The following NLRC5 variants were observed in gnomAD, a reference collection of about 807,000 sequenced individuals.
NLRC5 encodes NLR family CARD domain containing 5, also known as protein NLRC5.
Under a neutral mutation model 206.9 loss-of-function variants are expected in NLRC5, and 114 were observed. The ratio of observed to expected loss-of-function variants is 0.55; its 90% CI spans 0.47 to 0.64. NLRC5 has a LOEUF of 0.64. Among genes scored for constraint, NLRC5 ranks in the 30% least tolerant of loss-of-function variants. NLRC5 has a pLI of 0.00. For missense variants in NLRC5, 2,008 were observed against 2,305.5 expected, an observed-to-expected ratio of 0.87 and a Z score of 2.64; for synonymous variants, 952 against 962.8, an observed-to-expected ratio of 0.99 and a Z score of 0.21.
chr16:57,028,338 C>A lies in NLRC5; in HGVS notation c.2196C>A (p.Ser732Arg), dbSNP rs1246970822. Residue 732 changes from serine to arginine, a missense_variant, in exon 8 of 49, where the codon AGC (serine) becomes AGA (arginine). Physicochemically the swap from Ser to Arg is moderately radical, Grantham distance 110. Coordinates refer to ENST00000688547, the MANE Select transcript of NLRC5 (RefSeq NM_001384950.1). ...AGSKITARGI[S>R]HLVKALPLCP... ...GTAAAATCACTGCCCGAGGCATCAG[C>A]CACCTGGTGAAAGCTTTGCCTCTCT... 6.2e-7 allele frequency: 1 copy of A among 1,614,064 alleles called. No homozygotes were observed. Among genetic ancestry groups the A allele is most frequent in the Non-Finnish European group, 8.5e-7 (1 of 1,180,018 alleles).
chr16:57,003,548 G>T (rs573560625), intron 1 of NLRC5, among the ~76,000 whole-genome samples: 21 of 152,128 alleles, frequency 1.4e-4, no homozygotes, highest in African/African-American at 4.8e-4. Context: ...GCCTTTGCCT[G>T]GTGGGCATTG....
intron 1 of NLRC5, among the ~76,000 whole-genome samples, chr16:57,000,195 G>A (rs2058087553): frequency 6.6e-6 from 1 of 152,112 alleles, no homozygotes; most frequent in African/African-American, 2.4e-5. Context: ...GACCCAAACT[G>A]CCAGGGCTGA....
chr16:57,048,686 A>G, intron 23 of NLRC5, among the ~76,000 whole-genome samples: 1 of 152,108 alleles, frequency 6.6e-6, no homozygotes, highest in East Asian at 1.9e-4. Context: ...GGCGCCCGCC[A>G]TCATGCCTGG....
chr16:57,078,992 G>A (rs2068785181), intron 43 of NLRC5, 58 bp from the exon 44 acceptor site: 2 of 1,489,008 alleles, frequency 1.3e-6, no homozygotes, highest in Non-Finnish European at 1.9e-6. Flanking sequence ...AAGGCTGAGG[G>A]TGGGGCTCTG....
intron 7 of NLRC5, 60 bp from the exon 8 acceptor site, chr16:57,028,242 T>C: frequency 6.3e-7 from 1 of 1,582,698 alleles, no homozygotes; most frequent in Admixed American, 1.7e-5. Context: ...ACAAGGCAGA[T>C]TCCTGGCCCC....
At chr16:57,032,567 A>G (rs571945075) in intron 11 of NLRC5, among the ~76,000 whole-genome samples, 1 of 152,172 alleles carries the variant, frequency 6.6e-6, no homozygotes, top group Admixed American at 6.5e-5. Flanking sequence ...ATTTAAATAA[A>G]TTAAAATTAA....
chr16:57,079,501 A>C, intron 45 of NLRC5, 45 bp from the exon 46 acceptor site: 1 of 1,551,880 alleles, frequency 6.4e-7, no homozygotes, highest in Non-Finnish European at 8.9e-7. Context: ...AGATCCCCTG[A>C]CTCAAACAAC....
chr16:57,082,510 G>A lies in NLRC5; in HGVS notation c.5583G>A (p.Gln1861=). ...TTGCCTTCTTTGACAACCAGCCCCA[G>A]GCCCCTTGGGGTACTTGATGGCCCC... ...LDFAFFDNQP[Q]APWGT is the part of the protein sequence containing the mutation. Residue 1861 remains glutamine, a synonymous_variant, in exon 49 of 49, where the codon CAG becomes CAA. Transcript: ENST00000688547. The A allele has an allele frequency of 6.2e-7, 1 of 1,613,164 alleles. No homozygotes were observed.
rs199476004 is a variant in NLRC5 at position 57,061,574 on chromosome 16, G to A, written c.4070+43G>A. 4.1e-5 allele frequency: 66 copies of A among 1,608,500 alleles called. No homozygotes were observed. In the African/African-American group the frequency reaches 4.5e-4, roughly 11 times the overall value. ...CCCGTGAGGACAGCAGAGGGGTGGG[G>A]GCACCCTGCCAGAGCCACCTCAGTG... On this transcript the variant is annotated intron_variant, in intron 31 of 48. Coordinates refer to ENST00000688547, the MANE Select transcript of NLRC5 (RefSeq NM_001384950.1).
chr16:57,006,146 G>A (rs1037690938), intron 1 of NLRC5, among the ~76,000 whole-genome samples: 3 of 151,228 alleles, frequency 2.0e-5, no homozygotes, highest in African/African-American at 4.9e-5. Flanking sequence ...CAACATGTGT[G>A]CACCACCACT....
intron 22 of NLRC5, among the ~76,000 whole-genome samples, chr16:57,047,268 G>A (rs933750307): frequency 5.9e-5 from 9 of 152,186 alleles, no homozygotes; most frequent in African/African-American, 1.9e-4. Flanking sequence ...AGGTGAGTGA[G>A]GATGGTGGCC....
chr16:57,016,468 C>T (rs2060118586), intron 1 of NLRC5, among the ~76,000 whole-genome samples: 1 of 152,154 alleles, frequency 6.6e-6, no homozygotes, highest in Admixed American at 6.5e-5. Flanking sequence ...CCTCCATGTA[C>T]TCTGTAGCTA....
At chr16:57,014,656 G>A (rs2059841390) in intron 1 of NLRC5, among the ~76,000 whole-genome samples, 1 of 152,188 alleles carries the variant, frequency 6.6e-6, no homozygotes, top group Non-Finnish European at 1.5e-5. Flanking sequence ...CTTAGAGTGG[G>A]TTTTATTTTC....
At chr16:57,050,265 C>G (rs1326820611) in intron 23 of NLRC5, among the ~76,000 whole-genome samples, 1 of 152,170 alleles carries the variant, frequency 6.6e-6, no homozygotes, top group East Asian at 1.9e-4. Context: ...CATGCCCAGT[C>G]CCTGGGGCAG....
intron 10 of NLRC5, 111 bp downstream of exon 10, chr16:57,030,195 C>T: frequency 3.5e-6 from 3 of 855,734 alleles, no homozygotes; most frequent in Non-Finnish European, 5.6e-6. Flanking sequence ...CTGTGCATAC[C>T]CTACTGTTTT....
intron 11 of NLRC5, 144 bp from the exon 12 acceptor site, chr16:57,033,460 G>A (rs984669112): frequency 7.1e-6 from 5 of 706,844 alleles, no homozygotes; most frequent in Non-Finnish European, 1.0e-5. Context: ...CACATCTTGA[G>A]CATCTGCAAG....
chr16:57,071,604 T>G (rs373808124), intron 38 of NLRC5, among the ~76,000 whole-genome samples: 596 of 46,166 alleles, frequency 0.013, 11 homozygotes, highest in African/African-American at 0.046. Context: ...GTGAGTGGTG[T>G]TGGTGGTTAA....
In NLRC5 at chr16:57,082,467, A is replaced by C. The variant is rs1196847956; in HGVS notation, c.5540A>C (p.Gln1847Pro). Reference protein sequence around the residue: ...PCDMAQHLKSQEPRLDFAFFD... With the variant: ...PCDMAQHLKSPEPRLDFAFFD... ...GACATGGCCCAGCACCTGAAGAGCCAGGAGCCCAGGCTGGACTTTGCCTTC... is the reference window on the plus strand; with the variant it reads ...GACATGGCCCAGCACCTGAAGAGCCCGGAGCCCAGGCTGGACTTTGCCTTC... Residue 1847 changes from glutamine (Q) to proline (P), a missense_variant, in exon 49 of 49, where the codon CAG becomes CCG. By Grantham distance (76) the Gln-to-Pro change is moderately conservative. Coordinates refer to ENST00000688547, the MANE Select transcript of NLRC5 (RefSeq NM_001384950.1). 1 of 1,613,730 alleles carries C rather than the reference A, an allele frequency of 6.2e-7. No individual in the cohort carries two copies. Among genetic ancestry groups the C allele is most frequent in the African/African-American group, 1.3e-5 (1 of 74,930 alleles).
intron 1 of NLRC5, among the ~76,000 whole-genome samples, chr16:57,005,112 C>T (rs560288603): frequency 6.6e-6 from 1 of 152,260 alleles, no homozygotes; most frequent in African/African-American, 2.4e-5. Flanking sequence ...AACGGAAAGC[C>T]AGAGGTCCTG....
Sources: gnomAD v4.1 joint callset for allele counts (sites outside exome capture counted in the v4.1 genomes callset) on GRCh38, gnomAD v4.1.1 for gene constraint, MANE v1.5 for transcripts, NCBI Gene and HGNC (gene_info 2026-07-23, HGNC 2026-07-21) for gene names.